ELOVL5: variants seen among roughly 807,000 people sequenced by gnomAD.
ELOVL5 encodes very long chain fatty acid elongase 5.
A neutral mutation model predicts 38.6 loss-of-function variants in ELOVL5; 8 were observed. The observed-to-expected ratio is 0.21, with a 90% CI of 0.12 to 0.37. The LOEUF (loss-of-function observed/expected upper bound fraction) is 0.37. ELOVL5 is among the 10% of genes least tolerant of loss of function. ELOVL5 has a pLI of 1.00. For missense variants in ELOVL5, 280 were observed against 367.8 expected (o/e 0.76, Z 1.95); for synonymous variants, 127 against 133.7 (o/e 0.95, Z 0.34).
chr6:53,319,311 A>AAAAAAAAAAAAAAAAAAAAAAAAAAAC (rs1768200840), intron 1 of ELOVL5, among the ~76,000 whole-genome samples: 2 of 137,214 alleles, frequency 1.5e-5, no homozygotes, highest in African/African-American at 2.6e-5. Flanking sequence ...AAAAAAAAAA[A>AAAAAAAAAAAAAAAAAAAAAAAAAAAC]AAAAAGAAAG....
At chr6:53,312,035 A>C (rs1407732880) in intron 1 of ELOVL5, among the ~76,000 whole-genome samples, 1 of 152,214 alleles carries the variant, frequency 6.6e-6, no homozygotes, top group Non-Finnish European at 1.5e-5. Flanking sequence ...GTCATCAGTG[A>C]TATTTGTAAC....
intron 3 of ELOVL5, among the ~76,000 whole-genome samples, chr6:53,288,621 T>C (rs2127573140): frequency 1.3e-5 from 2 of 152,374 alleles, no homozygotes; most frequent in South Asian, 4.1e-4. Flanking sequence ...TTCTACCAAG[T>C]ACACAAACTA....
chr6:53,305,086 C>A (rs1002684683), intron 1 of ELOVL5, among the ~76,000 whole-genome samples: 1 of 144,200 alleles, frequency 6.9e-6, no homozygotes, highest in Non-Finnish European at 1.5e-5. Flanking sequence ...CCGGACGGGG[C>A]GGCTCGCTGG....
intron 1 of ELOVL5, among the ~76,000 whole-genome samples, chr6:53,326,190 C>T (rs568946029): frequency 1.3e-5 from 2 of 152,206 alleles, no homozygotes; most frequent in South Asian, 4.2e-4. Flanking sequence ...TATAAATATC[C>T]ACCTCTTCCT....
intron 7 of ELOVL5, among the ~76,000 whole-genome samples, chr6:53,270,056 C>T (rs1330100977): frequency 2.0e-5 from 3 of 152,182 alleles, no homozygotes; most frequent in Non-Finnish European, 4.4e-5. Context: ...GTGGCTGCAA[C>T]GTGGTCAGGC....
intron 1 of ELOVL5, among the ~76,000 whole-genome samples, chr6:53,323,006 G>A (rs1162272608): frequency 2.0e-5 from 3 of 152,114 alleles, no homozygotes; most frequent in Admixed American, 6.5e-5. Context: ...GCTAAGCATC[G>A]TACCACGCAC....
At chr6:53,341,534 T>C (rs576909669) in intron 1 of ELOVL5, among the ~76,000 whole-genome samples, 1 of 152,306 alleles carries the variant, frequency 6.6e-6, no homozygotes, top group East Asian at 1.9e-4. Context: ...TCCTCATCTG[T>C]AAAATTGGGG....
At chr6:53,283,048 T>TA (rs918385942) in intron 3 of ELOVL5, among the ~76,000 whole-genome samples, 1 of 151,912 alleles carries the variant, frequency 6.6e-6, no homozygotes, top group African/African-American at 2.4e-5. Context: ...ATCTTTCCAA[T>TA]AAAAAAGCAT....
intron 5 of ELOVL5, among the ~76,000 whole-genome samples, chr6:53,274,327 T>C (rs1766031380): frequency 6.7e-6 from 1 of 149,902 alleles, no homozygotes; most frequent in African/African-American, 2.4e-5. Context: ...TTGGAAAGCT[T>C]TTTTTTTTTC....
chr6:53,293,977 G>GCCT (rs1766877639), intron 2 of ELOVL5: 5 of 613,454 alleles, frequency 8.2e-6, no homozygotes, highest in Non-Finnish European at 1.1e-5. Context: ...TCAGCTTTGG[G>GCCT]CCTTGGCTGT....
chr6:53,289,966 A>G (rs1766714430), intron 3 of ELOVL5: 3 of 152,168 alleles, frequency 2.0e-5, no homozygotes, highest in African/African-American at 7.2e-5. Flanking sequence ...TTACCTCTCT[A>G]TGTACTCTAA....
At position 53,291,991 on chromosome 6, in the gene ELOVL5, T is replaced by C. The variant is rs750807470; in HGVS notation, c.59-28A>G. 57 of 1,370,856 alleles carry C rather than the reference T, an allele frequency of 4.2e-5. 2 individuals carry two copies. Among genetic ancestry groups the C allele is most frequent in the Middle Eastern group, 2.2e-4 (1 of 4,644 alleles). The allele number at this position is 1,370,856 out of a possible 1,614,324, so 84.9% of individuals were successfully genotyped here. A position where few individuals can be genotyped will look rare whatever the true frequency, so the allele number is the denominator to read the frequency against. ...GAAAAATTAAAAAAAATTAATGATA[T>C]ATAAAAACATTCACAACTTTTCAAA... On this transcript the variant is annotated intron_variant, in intron 2 of 7. Transcript: ENST00000304434.
chr6:53,305,032 G>A (rs1272808116), intron 1 of ELOVL5, among the ~76,000 whole-genome samples: 32 of 146,070 alleles, frequency 2.2e-4, no homozygotes, highest in African/African-American at 7.1e-4. Context: ...CCTCCCGGAC[G>A]GGGCGGCTGG....
At chr6:53,305,219 C>G (rs1243089303) in intron 1 of ELOVL5, among the ~76,000 whole-genome samples, 1 of 150,444 alleles carries the variant, frequency 6.6e-6, no homozygotes, top group Admixed American at 6.6e-5. Context: ...CCCCACCTCC[C>G]TCCCGGACGG....
intron 3 of ELOVL5, among the ~76,000 whole-genome samples, chr6:53,289,810 T>TG (rs1561869594): frequency 6.6e-6 from 1 of 152,196 alleles, no homozygotes; most frequent in African/African-American, 2.4e-5. Context: ...GGTTTTACAA[T>TG]ATGTACAGGA....
intron 1 of ELOVL5, among the ~76,000 whole-genome samples, chr6:53,306,658 C>A (rs999945508): frequency 6.6e-6 from 1 of 152,152 alleles, no homozygotes; most frequent in African/African-American, 2.4e-5. Context: ...AGAGTCAAGA[C>A]AAGGACCATT....
At chr6:53,310,189 G>A (rs1767772694) in intron 1 of ELOVL5, among the ~76,000 whole-genome samples, 3 of 152,168 alleles carry the variant, frequency 2.0e-5, no homozygotes, top group South Asian at 4.1e-4. Context: ...ACTGGGAAGA[G>A]AAGTGAAAAG....
chr6:53,274,638 T>G (rs192964371), intron 5 of ELOVL5, among the ~76,000 whole-genome samples: 1 of 152,358 alleles, frequency 6.6e-6, no homozygotes, highest in Admixed American at 6.5e-5. Context: ...TTGATCACCA[T>G]GCTTCAGGGA....
At chr6:53,274,708 T>G (rs1402641061) in intron 5 of ELOVL5, among the ~76,000 whole-genome samples, 1 of 152,218 alleles carries the variant, frequency 6.6e-6, no homozygotes, top group Admixed American at 6.5e-5. Flanking sequence ...AAGCTGTATT[T>G]CAAAATGAGC....
Sources: gnomAD v4.1 joint callset for allele counts (sites outside exome capture counted in the v4.1 genomes callset) on GRCh38, gnomAD v4.1.1 for gene constraint, MANE v1.5 for transcripts, NCBI Gene and HGNC (gene_info 2026-07-23, HGNC 2026-07-21) for gene names.